ACSS2: variants seen among roughly 807,000 people sequenced by gnomAD.
ACSS2 encodes the protein acetyl-coenzyme A synthetase, cytoplasmic.
A neutral mutation model predicts 90.6 loss-of-function variants in ACSS2; 58 were observed. The observed-to-expected ratio is 0.64, with a 90% CI of 0.52 to 0.80. The LOEUF is 0.80. Ranked by LOEUF, ACSS2 falls within the 30% of genes least tolerant of loss-of-function variation. The pLI, the probability that ACSS2 is intolerant of heterozygous loss-of-function variation, is 0.00. For missense variants in ACSS2, 759 were observed against 912.0 expected (o/e 0.83, Z 2.16); for synonymous variants, 300 against 330.9 (o/e 0.91, Z 1.01).
Position 34,921,120 on chromosome 20 carries a change from G to A in ACSS2, c.1258G>A (p.Gly420Arg). ...PTAIRLLMKF[G>R]DEPVTKHSRA... ...AGCCATCCGTCTGCTCATGAAGTTTGGAGATGAGCCTGTCACCAAGTGAGA... is the reference window on the plus strand; with the variant it reads ...AGCCATCCGTCTGCTCATGAAGTTTAGAGATGAGCCTGTCACCAAGTGAGA... The change falls in exon 10 of 18, where the codon GGA (glycine) becomes AGA (arginine). Residue 420 changes from glycine to arginine, a missense_variant. Gly to Arg is a moderately radical substitution (Grantham distance 125). Transcript: ENST00000360596. 1 of 1,614,202 alleles carries A rather than the reference G, an allele frequency of 6.2e-7. No individual in the cohort carries two copies. The highest frequency in any genetic ancestry group is 8.5e-7 in the Non-Finnish European group (1 of 1,180,034).
chr20:34,889,082 G>A (rs1321850050), intron 2 of ACSS2, among the ~76,000 whole-genome samples: 1 of 149,398 alleles, frequency 6.7e-6, no homozygotes, highest in Non-Finnish European at 1.5e-5. Context: ...TCGGCTCACT[G>A]CACCCGCCAT....
At chr20:34,892,867 G>C (rs2080367308) in intron 2 of ACSS2, among the ~76,000 whole-genome samples, 1 of 152,140 alleles carries the variant, frequency 6.6e-6, no homozygotes, top group Admixed American at 6.5e-5. Flanking sequence ...AGCTCAGTTT[G>C]AAAACCCCTG....
intron 14 of ACSS2, among the ~76,000 whole-genome samples, chr20:34,924,488 A>G (rs1346420146): frequency 6.6e-6 from 1 of 152,178 alleles, no homozygotes; most frequent in Non-Finnish European, 1.5e-5. Flanking sequence ...GGGAAAATCT[A>G]GAGTAAGAGT....
chr20:34,899,101 G>A (rs1309425699), intron 2 of ACSS2, among the ~76,000 whole-genome samples: 3 of 152,172 alleles, frequency 2.0e-5, no homozygotes, highest in Non-Finnish European at 4.4e-5. Flanking sequence ...CTCCGAGTGC[G>A]GGGCCTGCCA....
At position 34,921,805 on chromosome 20, in the gene ACSS2, T is replaced by C. The variant is rs59088485; in HGVS notation, c.1487T>C (p.Val496Ala). ...TTCTAGACTTTCCCATTCTTTGGTG[T>C]AGCTCCTGCAATCCTGAATGAGTCC... ...PGSATFPFFGVAPAILNESGE... is the reference protein window; with the variant it reads ...PGSATFPFFGAAPAILNESGE... The change falls in exon 13 of 18, where the codon GTA becomes GCA. Residue 496 changes from valine to alanine, a missense_variant. Coordinates refer to ENST00000360596, the MANE Select transcript of ACSS2 (RefSeq NM_018677.4). The C allele has an allele frequency of 6.1e-4, 987 of 1,614,062 alleles. 8 individuals carry two copies. In the Admixed American group the frequency reaches 0.014, roughly 23 times the overall value.
intron 7 of ACSS2, 107 bp downstream of exon 7, chr20:34,914,544 TC>T: frequency 1.0e-6 from 1 of 995,980 alleles, no homozygotes; most frequent in Non-Finnish European, 1.4e-6. Flanking sequence ...ATACTGAGGA[TC>T]CAGGAGCAAT....
intron 7 of ACSS2, chr20:34,915,266 TCTGCA>T: frequency 6.2e-7 from 1 of 1,613,948 alleles, no homozygotes; most frequent in Non-Finnish European, 8.5e-7. Context: ...GGTATCCATT[TCTGCA>T]CTGCCGTGGG....
chr20:34,906,795 C>T (rs1231346790), intron 2 of ACSS2, among the ~76,000 whole-genome samples: 7 of 151,718 alleles, frequency 4.6e-5, no homozygotes, highest in African/African-American at 1.7e-4. Flanking sequence ...CCAGCCTGGC[C>T]AACATCTTGA....
chr20:34,893,080 A>G (rs2080373710), intron 2 of ACSS2, among the ~76,000 whole-genome samples: 1 of 152,188 alleles, frequency 6.6e-6, no homozygotes, highest in Non-Finnish European at 1.5e-5. Context: ...CATATCTAAG[A>G]TTATATTAGC....
rs769731296 is a variant in ACSS2, at chr20:34,926,960, A to T, written c.1978+9A>T. ...GCCTAAAACCCGCTCAGGTATGTTCAGAGGCCTCCATGGATTGGGATGGGC... is the reference window on the plus strand; with the variant it reads ...GCCTAAAACCCGCTCAGGTATGTTCTGAGGCCTCCATGGATTGGGATGGGC... On this transcript the variant is annotated intron_variant, in intron 17 of 17. Coordinates refer to ENST00000360596, the MANE Select transcript of ACSS2 (RefSeq NM_018677.4). 1.2e-6 allele frequency: 2 copies of T among 1,614,160 alleles called. No homozygotes were observed. Among genetic ancestry groups the T allele is most frequent in the Middle Eastern group, 3.3e-4 (2 of 6,062 alleles).
chr20:34,878,895 CTT>C (rs11299664), intron 1 of ACSS2, among the ~76,000 whole-genome samples: 93 of 128,514 alleles, frequency 7.2e-4, no homozygotes, highest in Middle Eastern at 7.9e-3. Flanking sequence ...TTCTGCTTTT[CTT>C]TTTTTTTTTT....
In ACSS2 at chr20:34,876,642, C is replaced by T. The variant is rs1341992575; in HGVS notation, c.-4C>T. 8.8e-6 allele frequency: 12 copies of T among 1,363,554 alleles called. No homozygotes were observed. The highest frequency in any genetic ancestry group is 9.5e-6 in the Non-Finnish European group (10 of 1,051,404). The allele number at this position is 1,363,554 out of a possible 1,614,324, so 84.5% of individuals were successfully genotyped here. A position where few individuals can be genotyped will look rare whatever the true frequency, so the allele number is the denominator to read the frequency against. ...GGCGGCCGCGGTTCTAGGAACTTGA[C>T]GTGATGGGGCTTCCTGAGGAGCGGG... On this transcript the variant is annotated 5_prime_UTR_variant, in exon 1 of 18. The change creates a new upstream start codon in the 5' untranslated region. Coordinates refer to ENST00000360596, the MANE Select transcript of ACSS2 (RefSeq NM_018677.4).
intron 15 of ACSS2, 137 bp downstream of exon 15, chr20:34,925,903 GT>G: frequency 8.8e-7 from 1 of 1,139,358 alleles, no homozygotes; most frequent in Non-Finnish European, 1.2e-6. Flanking sequence ...CTGGGCCCAG[GT>G]TTTAGAGGAG....
chr20:34,915,809 T>G (rs1473759218), intron 7 of ACSS2, among the ~76,000 whole-genome samples: 1 of 152,200 alleles, frequency 6.6e-6, no homozygotes, highest in Non-Finnish European at 1.5e-5. Flanking sequence ...TTGTAGGTGG[T>G]TCTAAGAAGG....
At chr20:34,926,788 C>G (rs1339079031) in intron 16 of ACSS2, 89 bp from the exon 17 acceptor site, 1 of 1,336,624 alleles carries the variant, frequency 7.5e-7, no homozygotes, top group Non-Finnish European at 1.1e-6. Flanking sequence ...GAGGAGGAAA[C>G]AGGTGGGGAA....
intron 2 of ACSS2, among the ~76,000 whole-genome samples, chr20:34,883,312 C>G (rs1465123963): frequency 6.6e-6 from 1 of 152,214 alleles, no homozygotes; most frequent in Non-Finnish European, 1.5e-5. Context: ...TTGGGTTTTT[C>G]ACCACCACTA....
At chr20:34,891,267 C>G (rs1453207175) in intron 2 of ACSS2, among the ~76,000 whole-genome samples, 1 of 152,184 alleles carries the variant, frequency 6.6e-6, no homozygotes, top group Non-Finnish European at 1.5e-5. Flanking sequence ...CTCTTCCTCT[C>G]TCTGGGCCTT....
intron 2 of ACSS2, among the ~76,000 whole-genome samples, chr20:34,893,775 T>G (rs1035494617): frequency 1.3e-5 from 2 of 152,112 alleles, no homozygotes; most frequent in Non-Finnish European, 2.9e-5. Context: ...TATCTCTTTT[T>G]GGGATATAAA....
Position 34,927,176 on chromosome 20 carries a change from A to C in ACSS2, c.2068A>C (p.Ser690Arg). The C allele has an allele frequency of 6.2e-7, 1 of 1,614,116 alleles. No individual in the cohort carries two copies. The highest frequency in any genetic ancestry group is 1.1e-5 in the South Asian group (1 of 91,080). ...MSTVADPSVISHLFSHRCLTI... is the reference protein window; with the variant it reads ...MSTVADPSVIRHLFSHRCLTI... Reference sequence around the variant, plus strand: ...TACTGTGGCTGACCCATCTGTCATCAGTCACCTCTTCAGCCACCGCTGCCT... The same window carrying C: ...TACTGTGGCTGACCCATCTGTCATCCGTCACCTCTTCAGCCACCGCTGCCT... Residue 690 changes from serine (S) to arginine (R), a missense_variant, in exon 18 of 18, where the codon AGT becomes CGT. Transcript: ENST00000360596. This position sits in a 1 kb window ranked among gnomAD's most constrained non-coding sequence, Gnocchi z 4.2.
Sources: gnomAD v4.1 joint callset for allele counts (sites outside exome capture counted in the v4.1 genomes callset) on GRCh38, gnomAD v4.1.1 for gene constraint, Gnocchi (gnomAD v3.1) non-coding constraint, MANE v1.5 for transcripts, NCBI Gene and HGNC (gene_info 2026-07-23, HGNC 2026-07-21) for gene names.